The following CCNY variants were observed in gnomAD, a reference collection of about 807,000 sequenced individuals.
CCNY encodes cyclin Y.
A neutral mutation model predicts 42.8 loss-of-function variants in CCNY; 19 were observed. The ratio of observed to expected loss-of-function variants is 0.44; its 90% CI spans 0.31 to 0.65. The LOEUF is 0.65. Ranked by LOEUF, CCNY falls within the 30% of genes least tolerant of loss-of-function variation. The pLI, the probability that CCNY is intolerant of heterozygous loss-of-function variation, is 0.07. For missense variants in CCNY, 370 were observed against 437.3 expected (o/e 0.85, Z 1.37); for synonymous variants, 165 against 162.7 (o/e 1.01, Z -0.11).
intron 3 of CCNY, among the ~76,000 whole-genome samples, chr10:35,252,421 C>G (rs1028384813): frequency 2.0e-5 from 3 of 151,942 alleles, no homozygotes; most frequent in Non-Finnish European, 4.4e-5. Flanking sequence ...AAAAAATTAG[C>G]CAGGCGTGGT....
chr10:35,253,531 AC>A (rs1332519934), intron 3 of CCNY, among the ~76,000 whole-genome samples: 1 of 141,056 alleles, frequency 7.1e-6, no homozygotes, highest in African/African-American at 2.7e-5. Context: ...TCCCACCTTG[AC>A]CTCCTAAAGC....
intron 4 of CCNY, 88 bp from the exon 5 acceptor site, chr10:35,525,876 A>C: frequency 8.8e-7 from 1 of 1,141,982 alleles, no homozygotes; most frequent in Admixed American, 2.2e-5. Context: ...ACTTCTGTTT[A>C]AATATTTATG....
At chr10:35,261,324 GC>G (rs1565055772) in intron 3 of CCNY, among the ~76,000 whole-genome samples, 1 of 148,584 alleles carries the variant, frequency 6.7e-6, no homozygotes, top group African/African-American at 2.5e-5. Flanking sequence ...AGCAACCTCC[GC>G]CTTCTGGGTT....
chr10:35,406,196 TTTTATTTTA>T (rs1837759379), intron 1 of CCNY, among the ~76,000 whole-genome samples: 1 of 142,534 alleles, frequency 7.0e-6, no homozygotes, highest in African/African-American at 2.6e-5. Context: ...TTTTTTTCTT[TTTTATTTTA>T]TTTATTTATT....
At chr10:35,440,819 G>T (rs1326854744) in intron 1 of CCNY, among the ~76,000 whole-genome samples, 1 of 152,190 alleles carries the variant, frequency 6.6e-6, no homozygotes, top group Non-Finnish European at 1.5e-5. Flanking sequence ...ACATACATTT[G>T]TTAATTATGC....
At chr10:35,408,586 A>G (rs558808089) in intron 1 of CCNY, among the ~76,000 whole-genome samples, 15 of 152,308 alleles carry the variant, frequency 9.8e-5, no homozygotes, top group African/African-American at 3.6e-4. Flanking sequence ...ATTACAAAGT[A>G]TATTGATCAG....
chr10:35,249,862 C>T (rs974343669), intron 2 of CCNY, among the ~76,000 whole-genome samples: 25 of 152,102 alleles, frequency 1.6e-4, no homozygotes, highest in African/African-American at 6.0e-4. Context: ...CCAGCCTGGC[C>T]AACATGGTGA....
chr10:35,415,417 C>T (rs1838002455), intron 1 of CCNY, among the ~76,000 whole-genome samples: 3 of 151,942 alleles, frequency 2.0e-5, no homozygotes, highest in Admixed American at 2.0e-4. Context: ...GGAGCTGGTG[C>T]CTAATCCTCA....
At chr10:35,455,656 T>TC (rs148657236) in intron 1 of CCNY, among the ~76,000 whole-genome samples, 8,018 of 152,006 alleles carry the variant, frequency 0.053, 300 homozygotes, top group African/African-American at 0.11. Flanking sequence ...TCCCTTCCTC[T>TC]CCCCTTTTCT....
intron 1 of CCNY, among the ~76,000 whole-genome samples, chr10:35,339,441 T>C (rs1243697312): frequency 6.6e-6 from 1 of 152,238 alleles, no homozygotes; most frequent in East Asian, 1.9e-4. Context: ...ATACACACTA[T>C]ATACATCTAT....
intron 1 of CCNY, among the ~76,000 whole-genome samples, chr10:35,479,319 C>T (rs529426704): frequency 0.012 from 1,766 of 149,170 alleles, 13 homozygotes; most frequent in South Asian, 0.035. Context: ...ATGTTTATTG[C>T]GGCATTATTC....
chr10:35,526,135 A>G, intron 5 of CCNY, 136 bp downstream of exon 5: 2 of 786,750 alleles, frequency 2.5e-6, no homozygotes, highest in Non-Finnish European at 3.8e-6. Flanking sequence ...TCTAAAGGTA[A>G]TATAATTTAC....
At chr10:35,305,558 T>A (rs1254287409) in intron 3 of CCNY, among the ~76,000 whole-genome samples, 1 of 152,208 alleles carries the variant, frequency 6.6e-6, no homozygotes, top group Non-Finnish European at 1.5e-5. Flanking sequence ...AGAGCTGCTG[T>A]TTACCCAGTT....
At chr10:35,468,112 AG>A (rs1223079057) in intron 1 of CCNY, among the ~76,000 whole-genome samples, 1 of 152,266 alleles carries the variant, frequency 6.6e-6, no homozygotes, top group Non-Finnish European at 1.5e-5. Context: ...GGTAGATTCA[AG>A]ATCAAGGTGC....
chr10:35,541,502 A>ATCC (rs1564451892), intron 7 of CCNY, among the ~76,000 whole-genome samples: 1 of 152,158 alleles, frequency 6.6e-6, no homozygotes, highest in African/African-American at 2.4e-5. Flanking sequence ...TGCTCAAGTG[A>ATCC]TCCTGTCCCT....
chr10:35,528,573 G>A (rs1210567949), intron 5 of CCNY, among the ~76,000 whole-genome samples: 4 of 152,216 alleles, frequency 2.6e-5, no homozygotes, highest in African/African-American at 9.6e-5. Flanking sequence ...CTGGTGGCGC[G>A]TGCTTATAAT....
intron 1 of CCNY, among the ~76,000 whole-genome samples, chr10:35,470,394 G>A (rs753910174): frequency 6.6e-5 from 10 of 152,172 alleles, no homozygotes; most frequent in Non-Finnish European, 1.3e-4. Context: ...TGTGTGCACA[G>A]AGAGCTGCAC....
intron 1 of CCNY, among the ~76,000 whole-genome samples, chr10:35,437,185 A>G (rs998121315): frequency 2.0e-5 from 3 of 152,178 alleles, no homozygotes; most frequent in Non-Finnish European, 2.9e-5. Flanking sequence ...TCAAGGTGAA[A>G]TTTGGGTGGG....
chr10:35,426,108 C>T (rs1838261470), intron 1 of CCNY, among the ~76,000 whole-genome samples: 1 of 29,920 alleles, frequency 3.3e-5, no homozygotes, highest in Non-Finnish European at 6.7e-5. Flanking sequence ...TGGTCCAGCA[C>T]GCGCACACAC....
Sources: allele counts gnomAD v4.1 joint callset (sites outside exome capture counted in the v4.1 genomes callset), GRCh38; gene constraint gnomAD v4.1.1; transcripts MANE v1.5; gene names NCBI Gene and HGNC (gene_info 2026-07-23, HGNC 2026-07-21).